The following NCOR2 variants were observed in gnomAD, a reference collection of about 807,000 sequenced individuals.
NCOR2 encodes the protein nuclear receptor corepressor 2, also known as CTG repeat protein 26.
NCOR2 carries 81 observed loss-of-function variants against 262.9 expected under a neutral mutation model. The ratio of observed to expected loss-of-function variants is 0.31; its 90% CI spans 0.26 to 0.37. The LOEUF (loss-of-function observed/expected upper bound fraction) is 0.37, where lower values mean the gene tolerates loss of function less well. NCOR2 is among the 10% of genes least tolerant of loss of function. The probability of loss-of-function intolerance (pLI) is 1.00; values close to 1 mark genes in which losing one functional copy is unlikely to be tolerated. For missense variants in NCOR2, 3,385 were observed against 3,621.4 expected, an observed-to-expected ratio of 0.93 and a Z score of 1.68; for synonymous variants, 1,659 against 1,559.3, an observed-to-expected ratio of 1.06 and a Z score of -1.51.
chr12:124,334,479 G>T, exon 41 of NCOR2: 2 of 1,467,548 alleles, frequency 1.4e-6, no homozygotes, highest in Non-Finnish European at 9.0e-7. Flanking sequence ...TGGTCCGGGG[G>T]CGGGAGGTAG....
At chr12:124,398,056 A>G (rs1015002795) in intron 16 of NCOR2, 63 bp downstream of exon 18, 29 of 1,586,124 alleles carry the variant, frequency 1.8e-5, no homozygotes, top group Non-Finnish European at 2.3e-5. Flanking sequence ...CCTCCCCAGC[A>G]CGTGAGCTTC....
chr12:124,346,438 G>A, intron 31 of NCOR2, 126 bp downstream of exon 33: 1 of 1,054,092 alleles, frequency 9.5e-7, no homozygotes, highest in South Asian at 2.1e-5. Flanking sequence ...TGAGCAGCTG[G>A]GTGACTGTAA....
chr12:124,422,610 G>C, intron 11 of NCOR2, 55 bp from the exon 14 acceptor site: 1 of 1,604,884 alleles, frequency 6.2e-7, no homozygotes, highest in South Asian at 1.1e-5. Context: ...TTTCCTGCGG[G>C]GCAGCCGATC....
chr12:124,463,858 T>C (rs916704791), intron 5 of NCOR2, among the ~76,000 whole-genome samples: 1 of 150,070 alleles, frequency 6.7e-6, no homozygotes, highest in Non-Finnish European at 1.5e-5. Context: ...CAGAGGCCTC[T>C]TCCACAGGCC....
rs2048904773 is a variant in NCOR2, at chr12:124,503,764, A to C, written c.-117-8396T>G. On this transcript the variant is annotated intron_variant, in intron 1 of 46. Coordinates refer to the NCOR2 transcript ENST00000404621. The surrounding 1 kb of genome is among the most constrained non-coding windows in gnomAD (Gnocchi z 4.3). ...GATGGATGCATGGATGCATGGATGG[A>C]TGGATGGATGGATGGGCGGATGGAT... 8.2e-6 allele frequency among the ~76,000 whole-genome samples: 1 copy of C among 122,634 alleles called. No homozygotes were observed. The allele number at this position is 122,634 out of a possible 152,430, so 80.5% of individuals were successfully genotyped here.
chr12:124,327,079 G>A (rs1048692123), intron 45 of NCOR2, among the ~76,000 whole-genome samples: 1 of 152,186 alleles, frequency 6.6e-6, no homozygotes, highest in African/African-American at 2.4e-5. Flanking sequence ...CTCCCCCAAG[G>A]AGACAGATGG....
intron 1 of NCOR2, among the ~76,000 whole-genome samples, chr12:124,545,379 C>A (rs2137238492): frequency 6.6e-6 from 1 of 152,356 alleles, no homozygotes; most frequent in East Asian, 1.9e-4. Flanking sequence ...TGACCCAGAT[C>A]TTCCATGGGC....
At chr12:124,527,360 A>G (rs1407324582) in intron 1 of NCOR2, among the ~76,000 whole-genome samples, 1 of 152,156 alleles carries the variant, frequency 6.6e-6, no homozygotes, top group African/African-American at 2.4e-5. Context: ...CTCATATGTA[A>G]AGAGGGGATG....
chr12:124,512,080 T>C (rs2049424622), intron 1 of NCOR2, among the ~76,000 whole-genome samples: 1 of 152,020 alleles, frequency 6.6e-6, no homozygotes, highest in Non-Finnish European at 1.5e-5. Flanking sequence ...TCCGGCTAAT[T>C]TTTGTGCTTT....
In NCOR2 at chr12:124,419,942, C is replaced by A; in HGVS notation, c.1482+15G>T. 1 of 1,610,284 alleles carries A rather than the reference C, an allele frequency of 6.2e-7. No individual in the cohort carries two copies. Among genetic ancestry groups the A allele is most frequent in the Non-Finnish European group, 8.5e-7 (1 of 1,176,796 alleles). Reference sequence around the variant, plus strand: ...GGGAGCCTGCAAGGACAGTCACCCCCACCTTGCCTCTTACCTGGCTCTTGC... The same window carrying A: ...GGGAGCCTGCAAGGACAGTCACCCCAACCTTGCCTCTTACCTGGCTCTTGC... On this transcript the variant is annotated intron_variant, in intron 13 of 46. Coordinates refer to ENST00000405201, the Ensembl canonical transcript of NCOR2.
At chr12:124,335,394 G>A in intron 39 of NCOR2, 89 bp downstream of exon 41, 3 of 1,519,888 alleles carry the variant, frequency 2.0e-6, no homozygotes, top group Non-Finnish European at 2.6e-6. Flanking sequence ...TTGGCCTTTA[G>A]GCACCTCTGT....
At chr12:124,372,325 G>T (rs2136026748) in exon 20 of NCOR2, 2 of 1,524,880 alleles carry the variant, frequency 1.3e-6, no homozygotes, top group East Asian at 4.5e-5. Flanking sequence ...CTCCACTGGG[G>T]GCGCTGCTGC....
chr12:124,383,481 C>A (rs2040561946), intron 17 of NCOR2: 4 of 931,034 alleles, frequency 4.3e-6, no homozygotes, highest in Non-Finnish European at 5.5e-6. Flanking sequence ...GCCACCTTGG[C>A]CCAGTGCTCA....
chr12:124,383,532 T>TAA, intron 17 of NCOR2: 1 of 517,330 alleles, frequency 1.9e-6, no homozygotes, highest in South Asian at 8.5e-5. Flanking sequence ...ACCTTCCAAC[T>TAA]CAAAAAAAAA....
At position 124,383,979 on chromosome 12, in the gene NCOR2, C is replaced by A. The variant is rs1009347494; in HGVS notation, c.2019+1766G>T. 1.0e-4 allele frequency among the ~76,000 whole-genome samples: 15 copies of A among 146,010 alleles called. No homozygotes were observed. In the East Asian group the frequency reaches 2.9e-3, roughly 28 times the overall value. On this transcript the variant is annotated intron_variant, in intron 17 of 46. Coordinates refer to ENST00000405201, the Ensembl canonical transcript of NCOR2. ...CAGGCTGTGTGGCAGCAGGCTGCAG[C>A]GGGGGGAGACGTCCATGGTCGTGGG... is the stretch of plus-strand genomic sequence containing the variant.
intron 16 of NCOR2, among the ~76,000 whole-genome samples, chr12:124,393,609 C>T (rs1047043102): frequency 6.6e-6 from 1 of 152,216 alleles, no homozygotes; most frequent in Non-Finnish European, 1.5e-5. Flanking sequence ...GTTACCTGGT[C>T]AACAGGTTGG....
chr12:124,333,090 C>G, intron 42 of NCOR2, 40 bp downstream of exon 44: 3 of 1,556,736 alleles, frequency 1.9e-6, no homozygotes, highest in Non-Finnish European at 2.6e-6. Context: ...CAAGGGATAC[C>G]AGAGCATCCC....
chr12:124,561,525 T>C (rs1473584857), intron 1 of NCOR2, among the ~76,000 whole-genome samples: 4 of 151,968 alleles, frequency 2.6e-5, no homozygotes, highest in African/African-American at 7.3e-5. Flanking sequence ...GAAAGTTCTA[T>C]TGGACAGCGC....
chr12:124,357,956 T>C (rs1393174675), intron 22 of NCOR2, among the ~76,000 whole-genome samples: 1 of 151,372 alleles, frequency 6.6e-6, no homozygotes, highest in East Asian at 2.0e-4. Flanking sequence ...CATGGATGTG[T>C]GTGTGCACCT....
Sources: gnomAD v4.1 joint callset for allele counts (sites outside exome capture counted in the v4.1 genomes callset) on GRCh38, gnomAD v4.1.1 for gene constraint, Gnocchi (gnomAD v3.1) non-coding constraint, MANE v1.5 for transcripts, NCBI Gene and HGNC (gene_info 2026-07-23, HGNC 2026-07-21) for gene names.